Variants in ADAMTSL1 observed in about 807,000 individuals in gnomAD.
ADAMTSL1 encodes the protein ADAMTS like 1, also known as ADAMTS-like protein 1.
Under a neutral mutation model 201.8 loss-of-function variants are expected in ADAMTSL1, and 126 were observed. The observed-to-expected ratio is 0.62, with a 90% CI of 0.54 to 0.72. The LOEUF is 0.72. Ranked by LOEUF, ADAMTSL1 falls within the 30% of genes least tolerant of loss-of-function variation. The pLI, the probability that ADAMTSL1 is intolerant of heterozygous loss-of-function variation, is 0.00. For missense variants in ADAMTSL1, 2,679 were observed against 2,277.8 expected, an observed-to-expected ratio of 1.18 and a Z score of -3.59; for synonymous variants, 1,121 against 903.4, an observed-to-expected ratio of 1.24 and a Z score of -4.32.
At chr9:18,519,578 C>T (rs527537145) in intron 2 of ADAMTSL1, among the ~76,000 whole-genome samples, 2 of 152,292 alleles carry the variant, frequency 1.3e-5, no homozygotes, top group East Asian at 1.9e-4. Context: ...TATTCTGATT[C>T]GTGTGGATTT....
At chr9:17,963,601 A>C (rs1817846373) in intron 1 of ADAMTSL1, among the ~76,000 whole-genome samples, 1 of 152,186 alleles carries the variant, frequency 6.6e-6, no homozygotes, top group Non-Finnish European at 1.5e-5. Context: ...TTGATTCTAA[A>C]AGGATAGACA....
rs141305844 is a variant in ADAMTSL1 at position 18,406,289 on chromosome 9, TTTTTC to T, written c.208-98490_208-98486del. On this transcript the variant is annotated intron_variant, in intron 2 of 29. Coordinates refer to the ADAMTSL1 transcript ENST00000680146. ...GTATGGCTCATTGGTATAAGACAGT[TTTTTC>T]TTTTCTTTTCTTTTCTTTTCTTTTC... Among the ~76,000 whole-genome samples, 447 of 117,482 alleles carry T rather than the reference TTTTTC, an allele frequency of 3.8e-3. 3 individuals carry two copies. The highest frequency in any genetic ancestry group is 0.013 in the African/African-American group (359 of 28,028). 77.1% of individuals were successfully genotyped at this position (117,482 alleles called of 152,430 possible).
At chr9:18,810,070 C>CT (rs1300888171) in intron 20 of ADAMTSL1, among the ~76,000 whole-genome samples, 1 of 152,128 alleles carries the variant, frequency 6.6e-6, no homozygotes, top group African/African-American at 2.4e-5. Context: ...AGCTCTAACT[C>CT]TGAGTAGGGA....
In ADAMTSL1 at chr9:18,431,265, T is replaced by G. The variant is rs12554734; in HGVS notation, c.208-73564T>G. 3.1e-3 allele frequency among the ~76,000 whole-genome samples: 478 copies of G among 152,342 alleles called. 10 individuals carry two copies. Among genetic ancestry groups the G allele is most frequent in the Admixed American group, 0.026 (404 of 15,302 alleles). On this transcript the variant is annotated intron_variant, in intron 2 of 29. Transcript: ENST00000680146. The stretch of plus-strand genomic sequence containing the variant: ...TGAATTCATATGTCCAGAATGCAGA[T>G]GCAGTAGAGTGCTGCTTAGGATGAC...
At chr9:18,805,716 G>A (rs1044790697) in intron 20 of ADAMTSL1, among the ~76,000 whole-genome samples, 5 of 152,124 alleles carry the variant, frequency 3.3e-5, no homozygotes, top group Admixed American at 6.6e-5. Flanking sequence ...CTAGCTCATC[G>A]TGTGTTTTTG....
rs1352883409 is a variant in ADAMTSL1 at position 18,337,644 on chromosome 9, C to T, written c.208-167185C>T. On this transcript the variant is annotated intron_variant, in intron 2 of 29. Coordinates refer to the ADAMTSL1 transcript ENST00000680146. Reference sequence around the variant, plus strand: ...AGACCAAGGAGACAAGTTCTAGAGTCTGCTTTACTGTTAACTACTACACTA... The same window carrying T: ...AGACCAAGGAGACAAGTTCTAGAGTTTGCTTTACTGTTAACTACTACACTA... Among the ~76,000 whole-genome samples the T allele has an allele frequency of 2.0e-5, 3 of 152,134 alleles. No homozygotes were observed. In the East Asian group the frequency reaches 5.8e-4, roughly 29 times the overall value.
chr9:18,490,486 G>A (rs1822216409), intron 1 of ADAMTSL1, among the ~76,000 whole-genome samples: 1 of 152,156 alleles, frequency 6.6e-6, no homozygotes, highest in Admixed American at 6.5e-5. Context: ...GGTTTTGGAT[G>A]TGCTGAGTTT....
At chr9:18,672,072 C>A (rs1225203464) in intron 9 of ADAMTSL1, among the ~76,000 whole-genome samples, 1 of 151,862 alleles carries the variant, frequency 6.6e-6, no homozygotes, top group Non-Finnish European at 1.5e-5. Flanking sequence ...AAGAACAGAA[C>A]CCCGGTAAAT....
At chr9:17,933,350 C>T (rs1010866424) in intron 1 of ADAMTSL1, among the ~76,000 whole-genome samples, 16 of 152,164 alleles carry the variant, frequency 1.1e-4, no homozygotes, top group East Asian at 1.9e-4. Context: ...GGGAACTCAC[C>T]GGGATAATCC....
intron 1 of ADAMTSL1, among the ~76,000 whole-genome samples, chr9:18,009,511 T>G (rs1018644517): frequency 6.6e-6 from 1 of 152,198 alleles, no homozygotes; most frequent in South Asian, 2.1e-4. Context: ...AGTTACTCTT[T>G]GCTGTTTCAG....
intron 1 of ADAMTSL1, among the ~76,000 whole-genome samples, chr9:17,914,795 C>A (rs1826027848): frequency 6.6e-6 from 1 of 151,870 alleles, no homozygotes; most frequent in African/African-American, 2.4e-5. Context: ...CCCAAAATCT[C>A]CTTAAGCTGA....
At chr9:18,384,433 G>T (rs1203188086) in intron 2 of ADAMTSL1, among the ~76,000 whole-genome samples, 5 of 152,128 alleles carry the variant, frequency 3.3e-5, no homozygotes, top group Non-Finnish European at 7.4e-5. Context: ...GGGACACAGA[G>T]CCAAACCATA....
At chr9:18,509,321 C>G (rs959201004) in intron 2 of ADAMTSL1, among the ~76,000 whole-genome samples, 4 of 147,228 alleles carry the variant, frequency 2.7e-5, no homozygotes, top group Admixed American at 6.8e-5. Flanking sequence ...CCCTCAACAA[C>G]TGGTTCTATC....
chr9:18,048,601 C>T (rs1408554472), intron 1 of ADAMTSL1, among the ~76,000 whole-genome samples: 1 of 152,128 alleles, frequency 6.6e-6, no homozygotes, highest in Non-Finnish European at 1.5e-5. Flanking sequence ...ATTCTCTGTA[C>T]TATCTTGGTA....
rs557151621 is a variant in ADAMTSL1, at chr9:18,166,323, CCCA to C, written c.207+2346_207+2348del. 2.0e-4 allele frequency among the ~76,000 whole-genome samples: 30 copies of C among 151,966 alleles called. No homozygotes were observed. The East Asian group carries it at 5.4e-3, about 28-fold the overall frequency. On this transcript the variant is annotated intron_variant, in intron 2 of 29. Coordinates refer to the ADAMTSL1 transcript ENST00000680146. ...ATAGAGAATAGTCGTGGTGAGAAAA[CCCA>C]CCATGCCTATCCTCTATTGCCTTGT...
chr9:17,994,090 T>TTGTGTGTGTGTGTGTGTG (rs367861504), intron 1 of ADAMTSL1, among the ~76,000 whole-genome samples: 31 of 142,176 alleles, frequency 2.2e-4, no homozygotes, highest in Admixed American at 6.3e-4. Context: ...CAGAATCTCA[T>TTGTGTGTGTGTGTGTGTG]TGTGTGTGTG....
intron 13 of ADAMTSL1, among the ~76,000 whole-genome samples, chr9:18,706,102 T>C (rs978251459): frequency 9.2e-5 from 14 of 152,200 alleles, no homozygotes; most frequent in African/African-American, 3.4e-4. Context: ...TGGTTATTTC[T>C]TGATCATATG....
At chr9:18,352,818 C>T (rs895608376) in intron 2 of ADAMTSL1, among the ~76,000 whole-genome samples, 3 of 152,226 alleles carry the variant, frequency 2.0e-5, no homozygotes, top group African/African-American at 7.2e-5. Context: ...ATTTCTCAAT[C>T]AGTCAGCGTC....
At chr9:17,945,520 T>C (rs1243502428) in intron 1 of ADAMTSL1, among the ~76,000 whole-genome samples, 1 of 151,870 alleles carries the variant, frequency 6.6e-6, no homozygotes, top group African/African-American at 2.4e-5. Context: ...TGCACACGTA[T>C]GTTTATTGCG....
Sources: allele counts gnomAD v4.1 joint callset (sites outside exome capture counted in the v4.1 genomes callset), GRCh38; gene constraint gnomAD v4.1.1; transcripts MANE v1.5; gene names NCBI Gene and HGNC (gene_info 2026-07-23, HGNC 2026-07-21).